The following SCAMP3 variants were observed in gnomAD, a reference collection of about 807,000 sequenced individuals.
The protein encoded by SCAMP3 is secretory carrier-associated membrane protein 3.
A neutral mutation model predicts 44.1 loss-of-function variants in SCAMP3; 30 were observed. The observed-to-expected ratio is 0.68, with a 90% CI of 0.51 to 0.92. SCAMP3 has a LOEUF of 0.92. Among genes scored for constraint, SCAMP3 ranks in the 40% least tolerant of loss-of-function variants. The probability of loss-of-function intolerance (pLI) is 0.00; values close to 1 mark genes in which losing one functional copy is unlikely to be tolerated. For missense variants in SCAMP3, 394 were observed against 440.0 expected (o/e 0.90, Z 0.93); for synonymous variants, 168 against 171.1 (o/e 0.98, Z 0.14).
chr1:155,260,183 C>T, intron 4 of SCAMP3, 147 bp downstream of exon 4: 1 of 916,992 alleles, frequency 1.1e-6, no homozygotes, highest in Non-Finnish European at 1.7e-6. Flanking sequence ...TGGTCTCGAT[C>T]TCTTGACCTC....
chr1:155,262,206 T>A lies in SCAMP3; in HGVS notation c.-55A>T. ...GCCCTCCACGCCCCTGCCGCAGCAG[T>A]GGCGGTAGCGGTAGCCCTCAGAGTC... On this transcript the variant is annotated 5_prime_UTR_variant, in exon 1 of 9. Transcript: ENST00000302631. The A allele has an allele frequency of 6.6e-7, 1 of 1,517,104 alleles. No homozygotes were observed. Among genetic ancestry groups the A allele is most frequent in the Non-Finnish European group, 9.1e-7 (1 of 1,099,512 alleles). 94.0% of individuals were successfully genotyped at this position (1,517,104 alleles called of 1,614,324 possible).
rs886143320 is a variant in SCAMP3, at chr1:155,257,751, G to A, written c.518-94C>T. 14 of 1,233,866 alleles carry A rather than the reference G, an allele frequency of 1.1e-5. No homozygotes were observed. The African/African-American group carries it at 2.0e-4, about 17-fold the overall frequency. The allele number at this position is 1,233,866 out of a possible 1,614,324, so 76.4% of individuals were successfully genotyped here. A position where few individuals can be genotyped will look rare whatever the true frequency, so the allele number is the denominator to read the frequency against. ...CATCCTATAATATTCACCAAACATG[G>A]CAGAGTAAGGAAATGAAGGCAGCTG... On this transcript the variant is annotated intron_variant, in intron 5 of 8. Coordinates refer to ENST00000302631, the MANE Select transcript of SCAMP3 (RefSeq NM_005698.4).
rs1317845877 is a variant in SCAMP3 at position 155,258,832 on chromosome 1, A to G, written c.511T>C (p.Trp171Arg). The change falls in exon 5 of 9, where the codon TGG (tryptophan) becomes CGG (arginine). Residue 171 changes from tryptophan (W) to arginine (R), a missense_variant. Trp to Arg is a moderately radical substitution (Grantham distance 101, BLOSUM62 -3). Transcript: ENST00000302631. ...QKTVSTMYYL[W>R]MCSTLALLLN... Reference sequence around the variant, plus strand: ...AAGGCTTCTCACTACTCACACATCCAGAGGTAGTACATGGTGGATACAGTC... The same window carrying G: ...AAGGCTTCTCACTACTCACACATCCGGAGGTAGTACATGGTGGATACAGTC... 3.7e-6 allele frequency: 6 copies of G among 1,608,450 alleles called. No individual in the cohort carries two copies. The highest frequency in any genetic ancestry group is 5.1e-6 in the Non-Finnish European group (6 of 1,178,008).
intron 2 of SCAMP3, 85 bp downstream of exon 2, chr1:155,261,572 C>A: frequency 5.0e-6 from 6 of 1,192,560 alleles, no homozygotes; most frequent in Non-Finnish European, 7.5e-6. Flanking sequence ...CCTGTGCATG[C>A]AGAAAAGTCC....
chr1:155,260,903 C>T (rs1315480260), intron 2 of SCAMP3, among the ~76,000 whole-genome samples: 1 of 147,992 alleles, frequency 6.8e-6, no homozygotes, highest in African/African-American at 2.5e-5. Context: ...CATATCTCCC[C>T]ACTTAACTGT....
At chr1:155,256,448 C>T (rs1557923984) in intron 8 of SCAMP3, 29 bp from the exon 9 acceptor site, 1 of 1,555,330 alleles carries the variant, frequency 6.4e-7, no homozygotes. Flanking sequence ...GACATTACCG[C>T]CCATTCCAGC....
chr1:155,256,190 G>A lies in SCAMP3; in HGVS notation c.*83C>T, dbSNP rs1672784863. On this transcript the variant is annotated 3_prime_UTR_variant, in exon 9 of 9. Transcript: ENST00000302631. ...TACGGAGGAGCCATCAGTTAGTGAT[G>A]TCTCTCCAAGTCCCAGAGACCTTAG... The A allele has an allele frequency of 2.2e-6, 3 of 1,376,280 alleles. No individual in the cohort carries two copies. Among genetic ancestry groups the A allele is most frequent in the Admixed American group, 2.4e-5 (1 of 41,790 alleles). The allele number at this position is 1,376,280 out of a possible 1,614,324, so 85.3% of individuals were successfully genotyped here. A position where few individuals can be genotyped will look rare whatever the true frequency, so the allele number is the denominator to read the frequency against.
rs1406982667 is a variant in SCAMP3 at position 155,260,539 on chromosome 1, G to C, written c.265C>G (p.Gln89Glu). Reference sequence around the variant, plus strand: ...CCTCACCTGCACACCTCCTGTACCTGAGTGCTGTATGAGCCATAGTTCTTA... The same window carrying C: ...CCTCACCTGCACACCTCCTGTACCTCAGTGCTGTATGAGCCATAGTTCTTA... ...EPKNYGSYST[Q>E]ASAAAATAEL... Residue 89 changes from glutamine to glutamate, a missense_variant and splice_region_variant, in exon 3 of 9, where the codon CAG becomes GAG. Gln to Glu is a conservative substitution (Grantham distance 29, BLOSUM62 2). Transcript: ENST00000302631. 6.2e-7 allele frequency: 1 copy of C among 1,614,178 alleles called. No individual in the cohort carries two copies. Among genetic ancestry groups the C allele is most frequent in the Non-Finnish European group, 8.5e-7 (1 of 1,180,032 alleles).
chr1:155,262,301 A>G lies in SCAMP3; in HGVS notation c.-150T>C, dbSNP rs923320323. 3 of 693,880 alleles carry G rather than the reference A, an allele frequency of 4.3e-6. No individual in the cohort carries two copies. Among genetic ancestry groups the G allele is most frequent in the South Asian group, 1.9e-5 (1 of 52,736 alleles). 43.0% of individuals were successfully genotyped at this position (693,880 alleles called of 1,614,324 possible). A position where few individuals can be genotyped will look rare whatever the true frequency, so the allele number is the denominator to read the frequency against. ...GGTTCCACCGACCGGAAGGGCCACAAGGATCCCCGCAGCAGCCGTGGGTTG... is the reference window on the plus strand; with the variant it reads ...GGTTCCACCGACCGGAAGGGCCACAGGGATCCCCGCAGCAGCCGTGGGTTG... On this transcript the variant is annotated 5_prime_UTR_variant, in exon 1 of 9. Transcript: ENST00000302631.
intron 2 of SCAMP3, 131 bp downstream of exon 2, chr1:155,261,524 CCT>C: frequency 4.8e-6 from 4 of 827,592 alleles, no homozygotes; most frequent in Middle Eastern, 2.3e-4. Flanking sequence ...GGCTGACTAG[CCT>C]CTCTCAGGGA....
chr1:155,262,193 C>A lies in SCAMP3; in HGVS notation c.-42G>T. 1.3e-6 allele frequency: 2 copies of A among 1,575,804 alleles called. No homozygotes were observed. The highest frequency in any genetic ancestry group is 1.7e-6 in the Non-Finnish European group (2 of 1,150,408). Reference sequence around the variant, plus strand: ...TCCGCGGCCCTCTGCCCTCCACGCCCCTGCCGCAGCAGTGGCGGTAGCGGT... The same window carrying A: ...TCCGCGGCCCTCTGCCCTCCACGCCACTGCCGCAGCAGTGGCGGTAGCGGT... On this transcript the variant is annotated 5_prime_UTR_variant, in exon 1 of 9. Transcript: ENST00000302631.
At chr1:155,259,026 T>A in intron 4 of SCAMP3, 72 bp from the exon 5 acceptor site, 7 of 1,171,322 alleles carry the variant, frequency 6.0e-6, no homozygotes, top group Non-Finnish European at 8.4e-6. Flanking sequence ...CTCCCCCTTC[T>A]CTCCATCCCT....
At chr1:155,261,816 G>C in intron 1 of SCAMP3, 82 bp from the exon 2 acceptor site, 1 of 1,352,384 alleles carries the variant, frequency 7.4e-7, no homozygotes, top group South Asian at 1.2e-5. Flanking sequence ...ACTGCCTGTG[G>C]CTCCAAGTAC....
chr1:155,260,207 C>T, intron 4 of SCAMP3, 123 bp downstream of exon 4: 3 of 1,223,114 alleles, frequency 2.5e-6, no homozygotes, highest in Admixed American at 1.9e-5. Flanking sequence ...ATCCGCCCAC[C>T]TCAGCCTCCC....
At chr1:155,261,224 C>CT (rs768766320) in intron 2 of SCAMP3, 535 of 172,328 alleles carry the variant, frequency 3.1e-3, no homozygotes, top group South Asian at 4.8e-3. Context: ...CCATGCTTGG[C>CT]TTTTTTTTTT....
rs201400281 is a variant in SCAMP3 at position 155,260,366 on chromosome 1, G to T, written c.352C>A (p.Arg118=). 12 of 1,613,180 alleles carry T rather than the reference G, an allele frequency of 7.4e-6. No homozygotes were observed. In the East Asian group the frequency reaches 2.5e-4, roughly 33 times the overall value. Residue 118 remains arginine (R), a synonymous_variant, in exon 4 of 9, where the codon CGA becomes AGA. Coordinates refer to ENST00000302631, the MANE Select transcript of SCAMP3 (RefSeq NM_005698.4). ...RKAEELDRRE[R]ELQHAALGGT... is the part of the protein sequence containing the mutation. ...CCCAGGGCAGCATGCTGCAGCTCTC[G>T]CTCCCTTCGGTCCAACTCCTCTGCC...
In SCAMP3 at chr1:155,262,180, T is replaced by C. The variant is rs751956356; in HGVS notation, c.-29A>G. On this transcript the variant is annotated 5_prime_UTR_variant, in exon 1 of 9. Coordinates refer to ENST00000302631, the MANE Select transcript of SCAMP3 (RefSeq NM_005698.4). The stretch of plus-strand genomic sequence containing the variant: ...TGCAACTGCGGCCTCCGCGGCCCTC[T>C]GCCCTCCACGCCCCTGCCGCAGCAG... 9.3e-6 allele frequency: 15 copies of C among 1,607,252 alleles called. No individual in the cohort carries two copies. The African/African-American group carries it at 1.5e-4, about 16-fold the overall frequency.
chr1:155,260,649 G>A lies in SCAMP3; in HGVS notation c.155C>T (p.Ala52Val), dbSNP rs1252622600. The change falls in exon 3 of 9, where the codon GCC becomes GTC. Residue 52 changes from alanine to valine, a missense_variant. Transcript: ENST00000302631. ...TGGGGCAGGGGCTGGAGGCTCATAGGCTGGTGGTGGCTGTTGAGGAAAAGA... is the reference window on the plus strand; with the variant it reads ...TGGGGCAGGGGCTGGAGGCTCATAGACTGGTGGTGGCTGTTGAGGAAAAGA... ...NPFETREPPP[A>V]YEPPAPAPLP... 1.9e-6 allele frequency: 3 copies of A among 1,609,090 alleles called. No homozygotes were observed. The highest frequency in any genetic ancestry group is 2.7e-5 in the African/African-American group (2 of 74,828).
At position 155,261,754 on chromosome 1, in the gene SCAMP3, T is replaced by G. The variant is rs2242576; in HGVS notation, c.67-20A>C. 0.3 allele frequency: 479,258 copies of G among 1,611,824 alleles called. 82,479 individuals are homozygous for G. The highest frequency in any genetic ancestry group is 0.72 in the East Asian group (32,411 of 44,852). On this transcript the variant is annotated intron_variant, in intron 1 of 8. Coordinates refer to ENST00000302631, the MANE Select transcript of SCAMP3 (RefSeq NM_005698.4). ...TGGGTCCTGAGGGCAGAGACCCGGGTCTCAGCTGGCACCCAGTGCCACCTA... is the reference window on the plus strand; with the variant it reads ...TGGGTCCTGAGGGCAGAGACCCGGGGCTCAGCTGGCACCCAGTGCCACCTA...
Sources: allele counts gnomAD v4.1 joint callset (sites outside exome capture counted in the v4.1 genomes callset), GRCh38; gene constraint gnomAD v4.1.1; transcripts MANE v1.5; gene names NCBI Gene and HGNC (gene_info 2026-07-23, HGNC 2026-07-21).